The following DGKB variants were observed in gnomAD, a reference collection of about 807,000 sequenced individuals.
The protein encoded by DGKB is diacylglycerol kinase beta, also known as 90 kDa diacylglycerol kinase.
DGKB carries 67 observed loss-of-function variants against 114.3 expected under a neutral mutation model. The observed-to-expected ratio is 0.59, with a 90% CI of 0.48 to 0.72. The LOEUF is 0.72. Ranked by LOEUF, DGKB falls within the 30% of genes least tolerant of loss-of-function variation. The pLI, the probability that DGKB is intolerant of heterozygous loss-of-function variation, is 0.00. For synonymous variants in DGKB, 398 were observed against 323.1 expected (o/e 1.23, Z -2.49); for missense variants, 907 against 975.2 (o/e 0.93, Z 0.93).
intron 23 of DGKB, among the ~76,000 whole-genome samples, chr7:14,187,641 ACT>A (rs1226612688): frequency 6.6e-6 from 1 of 152,210 alleles, no homozygotes; most frequent in African/African-American, 2.4e-5. Flanking sequence ...AGACTACAGT[ACT>A]GAGTCGACCT....
chr7:14,184,807 T>G (rs992806602), intron 23 of DGKB, among the ~76,000 whole-genome samples: 1 of 152,148 alleles, frequency 6.6e-6, no homozygotes, highest in Non-Finnish European at 1.5e-5. Flanking sequence ...AAAAAAAGCA[T>G]TGGATTAAAT....
chr7:14,667,937 T>C (rs911659147), intron 13 of DGKB, among the ~76,000 whole-genome samples: 2 of 152,048 alleles, frequency 1.3e-5, no homozygotes, highest in African/African-American at 4.8e-5. Flanking sequence ...ACACAACAAG[T>C]GCACTTAAAG....
At chr7:14,189,279 G>A (rs1432623839) in intron 23 of DGKB, among the ~76,000 whole-genome samples, 1 of 152,250 alleles carries the variant, frequency 6.6e-6, no homozygotes, top group East Asian at 1.9e-4. Context: ...ATAAATTTTA[G>A]GGGGAAGGAA....
chr7:14,440,375 C>T (rs1287707204), intron 21 of DGKB, among the ~76,000 whole-genome samples: 1 of 152,036 alleles, frequency 6.6e-6, no homozygotes, highest in African/African-American at 2.4e-5. Flanking sequence ...GATCAGGACC[C>T]TCACTCATGT....
At chr7:14,189,495 G>A (rs1445396468) in intron 23 of DGKB, among the ~76,000 whole-genome samples, 1 of 151,958 alleles carries the variant, frequency 6.6e-6, no homozygotes, top group African/African-American at 2.4e-5. Context: ...GAAGAAGAAA[G>A]AAATAAGGAA....
intron 15 of DGKB, 108 bp from the exon 16 acceptor site, chr7:14,613,521 T>A (rs1289798829): frequency 3.0e-6 from 2 of 664,836 alleles, no homozygotes; most frequent in Non-Finnish European, 2.7e-6. Flanking sequence ...TTCAATAATA[T>A]TACTTTCCAC....
At chr7:14,294,360 A>G (rs1294433940) in intron 23 of DGKB, among the ~76,000 whole-genome samples, 1 of 152,188 alleles carries the variant, frequency 6.6e-6, no homozygotes, top group Non-Finnish European at 1.5e-5. Flanking sequence ...GAGAGGGGCC[A>G]TATTCTATCA....
chr7:14,320,450 C>T (rs559412884), intron 23 of DGKB, among the ~76,000 whole-genome samples: 14 of 152,216 alleles, frequency 9.2e-5, no homozygotes, highest in Non-Finnish European at 1.8e-4. Context: ...TGCTCCACAG[C>T]CTTAGACTAC....
intron 23 of DGKB, among the ~76,000 whole-genome samples, chr7:14,184,342 G>A (rs968302442): frequency 6.6e-6 from 1 of 152,178 alleles, no homozygotes; most frequent in Non-Finnish European, 1.5e-5. Flanking sequence ...TCCACAGGCA[G>A]GGGAAGAACC....
intron 17 of DGKB, among the ~76,000 whole-genome samples, chr7:14,592,389 G>C (rs534393028): frequency 6.6e-6 from 1 of 151,874 alleles, no homozygotes; most frequent in Admixed American, 6.6e-5. Context: ...GAGACAGAAA[G>C]AAGCATACTT....
At chr7:14,376,178 C>T (rs569638480) in intron 21 of DGKB, among the ~76,000 whole-genome samples, 1 of 152,274 alleles carries the variant, frequency 6.6e-6, no homozygotes, top group South Asian at 2.1e-4. Flanking sequence ...GTGTTGGTGG[C>T]CTGTCAGCCA....
At chr7:14,829,034 A>T (rs2128118402) in intron 2 of DGKB, among the ~76,000 whole-genome samples, 1 of 152,238 alleles carries the variant, frequency 6.6e-6, no homozygotes, top group Admixed American at 6.6e-5. Context: ...ATGGTTCACG[A>T]GGCAAAGATC....
At chr7:14,649,560 A>G (rs145944979) in intron 13 of DGKB, among the ~76,000 whole-genome samples, 4,745 of 152,204 alleles carry the variant, frequency 0.031, 269 homozygotes, top group African/African-American at 0.11. Context: ...TGTAAAGACC[A>G]TCAACACTAG....
intron 20 of DGKB, among the ~76,000 whole-genome samples, chr7:14,571,712 G>A (rs1036477596): frequency 1.1e-4 from 17 of 152,202 alleles, no homozygotes; most frequent in Non-Finnish European, 2.4e-4. Context: ...ATTAAAAGCC[G>A]AAGTGATTTC....
intron 1 of DGKB, among the ~76,000 whole-genome samples, chr7:14,937,534 G>C (rs67257919): frequency 0.18 from 27,588 of 152,052 alleles, 2,812 homozygotes; most frequent in African/African-American, 0.27. Flanking sequence ...ATGATTAATA[G>C]CAGCTTTAAA....
intron 19 of DGKB, 132 bp from the exon 20 acceptor site, chr7:14,574,504 C>T: frequency 1.4e-6 from 1 of 705,530 alleles, no homozygotes; most frequent in South Asian, 2.1e-5. Flanking sequence ...CATTCTGCCA[C>T]CAAATGAAGA....
At chr7:14,261,975 AGTG>A (rs1298610141) in intron 23 of DGKB, among the ~76,000 whole-genome samples, 1 of 152,228 alleles carries the variant, frequency 6.6e-6, no homozygotes, top group East Asian at 1.9e-4. Flanking sequence ...GATTATGCAT[AGTG>A]AAATGTGCTA....
At chr7:14,304,856 T>A (rs1804207350) in intron 23 of DGKB, among the ~76,000 whole-genome samples, 1 of 152,158 alleles carries the variant, frequency 6.6e-6, no homozygotes, top group African/African-American at 2.4e-5. Context: ...TTTTTGACAA[T>A]ATAGTATTAC....
intron 21 of DGKB, among the ~76,000 whole-genome samples, chr7:14,382,334 C>T (rs61261252): frequency 6.6e-6 from 1 of 151,250 alleles, no homozygotes; most frequent in Admixed American, 6.6e-5. Flanking sequence ...AAGGCACATA[C>T]AACCTATAGA....
Sources: allele counts gnomAD v4.1 joint callset (sites outside exome capture counted in the v4.1 genomes callset), GRCh38; gene constraint gnomAD v4.1.1; transcripts MANE v1.5; gene names NCBI Gene and HGNC (gene_info 2026-07-23, HGNC 2026-07-21).